MGAT4C: variants seen among roughly 807,000 people sequenced by gnomAD.
MGAT4C encodes the protein MGAT4 family member C.
In MGAT4C, 19 loss-of-function variants were observed where a neutral mutation model predicts 40.1. The observed-to-expected ratio is 0.47, with a 90% confidence interval of 0.33 to 0.70. The LOEUF (loss-of-function observed/expected upper bound fraction) is 0.70, where lower values mean the gene tolerates loss of function less well. MGAT4C is among the 30% of genes least tolerant of loss of function. The pLI is 0.02. For missense variants in MGAT4C, 491 were observed against 563.2 expected, an observed-to-expected ratio of 0.87 and a Z score of 1.30; for synonymous variants, 181 against 187.1, an observed-to-expected ratio of 0.97 and a Z score of 0.27.
chr12:86,680,155 C>T (rs1193414692), intron 2 of MGAT4C, among the ~76,000 whole-genome samples: 1 of 151,960 alleles, frequency 6.6e-6, no homozygotes, highest in Non-Finnish European at 1.5e-5. Context: ...ATTTGACACA[C>T]AGTAGATGAT....
chr12:86,804,698 G>A (rs1308271428), intron 1 of MGAT4C, among the ~76,000 whole-genome samples: 1 of 151,924 alleles, frequency 6.6e-6, no homozygotes, highest in Non-Finnish European at 1.5e-5. Flanking sequence ...AAGTCAAATT[G>A]TTAAGTGACA....
rs937266380 is a variant in MGAT4C, at chr12:86,198,296, C to T, written c.-57+57943G>A. On this transcript the variant is annotated intron_variant, in intron 1 of 4. Coordinates refer to ENST00000611864, the MANE Select transcript of MGAT4C (RefSeq NM_001351288.2). ...TCATTTTATCAGTAGAGTCTGAAGGCCATTCAGTCATTTGTTTTTCCCCTG... is the reference window on the plus strand; with the variant it reads ...TCATTTTATCAGTAGAGTCTGAAGGTCATTCAGTCATTTGTTTTTCCCCTG... 2.0e-5 allele frequency among the ~76,000 whole-genome samples: 3 copies of T among 152,250 alleles called. No individual in the cohort carries two copies. The East Asian group carries it at 5.8e-4, about 29-fold the overall frequency.
intron 2 of MGAT4C, among the ~76,000 whole-genome samples, chr12:86,561,498 ATGTTTCC>A (rs1196982315): frequency 1.3e-5 from 2 of 152,276 alleles, no homozygotes; most frequent in East Asian, 3.9e-4. Context: ...CCCATGCTGG[ATGTTTCC>A]TGCCCTTGTA....
intron 2 of MGAT4C, among the ~76,000 whole-genome samples, chr12:86,042,761 G>A (rs184034671): frequency 1.8e-3 from 267 of 151,546 alleles, no homozygotes; most frequent in Admixed American, 3.9e-3. Context: ...CCAGCTACTC[G>A]GGAGGCTGAG....
intron 2 of MGAT4C, among the ~76,000 whole-genome samples, chr12:86,630,904 G>A (rs1963013678): frequency 6.6e-6 from 1 of 152,068 alleles, no homozygotes; most frequent in Non-Finnish European, 1.5e-5. Context: ...TTCAGGCCGG[G>A]GCAATCAGGC....
chr12:86,258,705 A>T (rs1952593534), upstream of MGAT4C, among the ~76,000 whole-genome samples: 1 of 152,106 alleles, frequency 6.6e-6, no homozygotes, highest in Admixed American at 6.5e-5. Flanking sequence ...TTCAATGCTT[A>T]AATATTATAC....
At chr12:86,575,483 T>A (rs879737668) in intron 2 of MGAT4C, among the ~76,000 whole-genome samples, 35 of 151,966 alleles carry the variant, frequency 2.3e-4, no homozygotes, top group Non-Finnish European at 4.6e-4. Flanking sequence ...ATTCTGTGCC[T>A]GGCTTATTGC....
At chr12:86,050,336 G>A (rs1263396448) in intron 1 of MGAT4C, among the ~76,000 whole-genome samples, 1 of 151,864 alleles carries the variant, frequency 6.6e-6, no homozygotes, top group African/African-American at 2.4e-5. Context: ...AACTGTGAAG[G>A]TATAAAACAA....
chr12:86,443,577 GTTT>G (rs888715137), intron 2 of MGAT4C, among the ~76,000 whole-genome samples: 1 of 151,762 alleles, frequency 6.6e-6, no homozygotes, highest in Admixed American at 6.6e-5. Context: ...CTACCAAACT[GTTT>G]TTTTTTTGTT....
At chr12:86,612,271 C>T (rs539965716) in intron 2 of MGAT4C, among the ~76,000 whole-genome samples, 125 of 152,242 alleles carry the variant, frequency 8.2e-4, no homozygotes, top group African/African-American at 2.8e-3. Context: ...CTTATTTTCT[C>T]AACCTACTAA....
At chr12:86,187,570 C>A (rs1048824028) in intron 1 of MGAT4C, among the ~76,000 whole-genome samples, 5 of 147,796 alleles carry the variant, frequency 3.4e-5, no homozygotes, top group African/African-American at 9.7e-5. Flanking sequence ...TAAATCTTTC[C>A]TTTTAGATTT....
At chr12:86,793,258 G>A (rs1410200285) in intron 1 of MGAT4C, among the ~76,000 whole-genome samples, 1 of 151,980 alleles carries the variant, frequency 6.6e-6, no homozygotes, top group Non-Finnish European at 1.5e-5. Context: ...TTGTTCACAG[G>A]AGGGCATCAT....
At chr12:86,014,659 T>C (rs762319906) in intron 2 of MGAT4C, among the ~76,000 whole-genome samples, 57 of 152,098 alleles carry the variant, frequency 3.7e-4, no homozygotes, top group Non-Finnish European at 7.4e-4. Flanking sequence ...GTTTTCACCC[T>C]GCTGTTGGCA....
chr12:86,254,927 C>T (rs1952454575), intron 1 of MGAT4C, among the ~76,000 whole-genome samples: 1 of 152,060 alleles, frequency 6.6e-6, no homozygotes, highest in Admixed American at 6.6e-5. Context: ...AGCTGCCAAA[C>T]AGGACTGGGC....
At chr12:86,593,492 AAT>A (rs1439519730) in intron 2 of MGAT4C, among the ~76,000 whole-genome samples, 1 of 152,040 alleles carries the variant, frequency 6.6e-6, no homozygotes, top group Non-Finnish European at 1.5e-5. Flanking sequence ...CTTCTTTTTC[AAT>A]ATATGCATCT....
intron 2 of MGAT4C, among the ~76,000 whole-genome samples, chr12:86,039,121 C>CGGTAGAATTA (rs1891544941): frequency 7.6e-6 from 1 of 131,640 alleles, no homozygotes; most frequent in Non-Finnish European, 1.8e-5. Context: ...TTGTGGGTAA[C>CGGTAGAATTA]CCAACCTTTC....
chr12:85,988,147 G>A (rs918737690), intron 3 of MGAT4C, among the ~76,000 whole-genome samples: 2 of 152,018 alleles, frequency 1.3e-5, no homozygotes, highest in Admixed American at 6.6e-5. Context: ...TTTAATCTTT[G>A]TTGATTTCAG....
intron 2 of MGAT4C, among the ~76,000 whole-genome samples, chr12:86,692,878 TG>T (rs773358350): frequency 8.5e-5 from 13 of 152,076 alleles, no homozygotes; most frequent in Non-Finnish European, 1.5e-4. Flanking sequence ...GGAATGTGCT[TG>T]GGATCATGTA....
intron 1 of MGAT4C, among the ~76,000 whole-genome samples, chr12:86,099,244 T>C (rs1013038172): frequency 6.6e-6 from 1 of 151,454 alleles, no homozygotes; most frequent in African/African-American, 2.4e-5. Context: ...ATTTTTTGTC[T>C]GTCAGTGAAG....
Sources: allele counts gnomAD v4.1 joint callset (sites outside exome capture counted in the v4.1 genomes callset), GRCh38; gene constraint gnomAD v4.1.1; transcripts MANE v1.5; gene names NCBI Gene and HGNC (gene_info 2026-07-23, HGNC 2026-07-21).